The following LAPTM4B variants were observed in gnomAD, a reference collection of about 807,000 sequenced individuals.
LAPTM4B encodes the protein lysosomal-associated transmembrane protein 4B.
LAPTM4B carries 26 observed loss-of-function variants against 28.5 expected under a neutral mutation model. The observed-to-expected ratio is 0.91, with a 90% confidence interval of 0.67 to 1.27. The LOEUF is 1.27. LAPTM4B is among the 50% of genes most tolerant of loss of function. The probability of loss-of-function intolerance (pLI) is 0.00; values close to 1 mark genes in which losing one functional copy is unlikely to be tolerated. For missense variants in LAPTM4B, 288 were observed against 285.8 expected (o/e 1.01, Z -0.06); for synonymous variants, 109 against 106.4 (o/e 1.02, Z -0.15).
At chr8:97,830,580 G>GT (rs1817168817) in intron 6 of LAPTM4B, among the ~76,000 whole-genome samples, 1 of 152,220 alleles carries the variant, frequency 6.6e-6, no homozygotes, top group Non-Finnish European at 1.5e-5. Context: ...AGGAATGCGA[G>GT]TAAGTTGAAG....
At chr8:97,823,058 G>GTC (rs1393338686) in intron 5 of LAPTM4B, among the ~76,000 whole-genome samples, 1 of 151,992 alleles carries the variant, frequency 6.6e-6, no homozygotes, top group Non-Finnish European at 1.5e-5. Context: ...AGCCAGGGTG[G>GTC]TCTCTATCTC....
At chr8:97,782,500 G>A (rs1034460579) in intron 1 of LAPTM4B, among the ~76,000 whole-genome samples, 2 of 151,560 alleles carry the variant, frequency 1.3e-5, no homozygotes, top group Non-Finnish European at 2.9e-5. Flanking sequence ...GTGCAGTGGC[G>A]CAGTCTCAGC....
intron 2 of LAPTM4B, among the ~76,000 whole-genome samples, 176 bp downstream of exon 2, chr8:97,805,640 A>G (rs1424604350): frequency 1.3e-5 from 2 of 151,716 alleles, no homozygotes; most frequent in Admixed American, 6.6e-5. Context: ...AAGAGTCTAA[A>G]TAAGATCTAT....
At chr8:97,828,054 G>A (rs1167300387) in intron 6 of LAPTM4B, among the ~76,000 whole-genome samples, 2 of 152,200 alleles carry the variant, frequency 1.3e-5, no homozygotes, top group Non-Finnish European at 2.9e-5. Context: ...CCTTCTGGAT[G>A]TATACGTGTG....
At chr8:97,782,736 T>C (rs528905069) in intron 1 of LAPTM4B, among the ~76,000 whole-genome samples, 7 of 141,520 alleles carry the variant, frequency 4.9e-5, no homozygotes, top group African/African-American at 1.8e-4. Context: ...GTCCCCAGCC[T>C]TTTTTTTTTT....
rs534600319 is a variant in LAPTM4B, at chr8:97,837,467, A to G, written c.603+12314A>G. 5.3e-5 allele frequency among the ~76,000 whole-genome samples: 8 copies of G among 152,234 alleles called. No homozygotes were observed. The East Asian group carries it at 1.5e-3, about 29-fold the overall frequency. On this transcript the variant is annotated intron_variant, in intron 6 of 6. Transcript: ENST00000521545. ...CTTGGCCACCCGAAGTGCTCCTGCC[A>G]CTTTTAAAAGCAGGTTATTACTTCC...
intron 1 of LAPTM4B, among the ~76,000 whole-genome samples, chr8:97,785,990 T>A (rs1282202953): frequency 6.6e-6 from 1 of 152,230 alleles, no homozygotes; most frequent in Admixed American, 6.5e-5. Context: ...GTAATATATT[T>A]GTTTTGTCAA....
chr8:97,820,304 C>CTTTCTTTT (rs1554591889), intron 5 of LAPTM4B, among the ~76,000 whole-genome samples: 2 of 128,348 alleles, frequency 1.6e-5, no homozygotes, highest in Admixed American at 8.3e-5. Context: ...TTCTTTCTTT[C>CTTTCTTTT]TTTTTTTTTT....
intron 5 of LAPTM4B, among the ~76,000 whole-genome samples, chr8:97,824,103 T>C (rs1817055216): frequency 6.6e-6 from 1 of 152,212 alleles, no homozygotes; most frequent in South Asian, 2.1e-4. Context: ...CTTCTACTTT[T>C]TGGCTATTAT....
chr8:97,785,582 C>T (rs527686869), intron 1 of LAPTM4B, among the ~76,000 whole-genome samples: 2 of 152,274 alleles, frequency 1.3e-5, no homozygotes, highest in South Asian at 4.1e-4. Flanking sequence ...TATAGACTGA[C>T]GTTGCCCTGA....
Position 97,815,408 on chromosome 8 carries a change from C to T in LAPTM4B, c.285+7C>T, listed in dbSNP as rs7818662. On this transcript the variant is annotated splice_region_variant and intron_variant, in intron 3 of 6. Coordinates refer to ENST00000521545, the MANE Select transcript of LAPTM4B (RefSeq NM_018407.6). ...TACTTACGGAGCGTACAAGGTAAGC[C>T]GCTTGCAGTAAGATGCTGGCCTTTT... The T allele has an allele frequency of 6.3e-6, 10 of 1,586,648 alleles. No individual in the cohort carries two copies. The highest frequency in any genetic ancestry group is 2.2e-5 in the East Asian group (1 of 44,832).
intron 1 of LAPTM4B, among the ~76,000 whole-genome samples, chr8:97,788,861 A>AT (rs758537498): frequency 5.8e-4 from 88 of 150,884 alleles, no homozygotes; most frequent in Non-Finnish European, 1.1e-3. Context: ...CGTCCGGCTA[A>AT]TTTTTTGTAT....
chr8:97,848,347 A>G (rs940661342), intron 6 of LAPTM4B, among the ~76,000 whole-genome samples: 6 of 152,340 alleles, frequency 3.9e-5, no homozygotes, highest in Admixed American at 2.0e-4. Flanking sequence ...AAATAGTGAC[A>G]GACCGCCAAA....
intron 6 of LAPTM4B, among the ~76,000 whole-genome samples, chr8:97,850,476 G>GTGTGTGTGTGTGTGTGTGTGTGTGTGTA (rs151009828): frequency 2.6e-4 from 38 of 147,664 alleles, no homozygotes; most frequent in African/African-American, 3.8e-4. Flanking sequence ...GTGTGTGTGT[G>GTGTGTGTGTGTGTGTGTGTGTGTGTGTA]TGTGTGTGTG....
intron 6 of LAPTM4B, among the ~76,000 whole-genome samples, chr8:97,834,033 G>A (rs541035135): frequency 2.0e-5 from 3 of 151,600 alleles, no homozygotes; most frequent in African/African-American, 4.8e-5. Flanking sequence ...TAAATGAACC[G>A]ATGAAAACTC....
At chr8:97,827,601 G>A (rs1817109932) in intron 6 of LAPTM4B, among the ~76,000 whole-genome samples, 1 of 152,188 alleles carries the variant, frequency 6.6e-6, no homozygotes, top group Admixed American at 6.5e-5. Context: ...GTTGGAGTGG[G>A]GAGGGGACAC....
At chr8:97,782,928 T>TTATTTATG (rs896597231) in intron 1 of LAPTM4B, among the ~76,000 whole-genome samples, 6 of 148,910 alleles carry the variant, frequency 4.0e-5, no homozygotes, top group African/African-American at 1.2e-4. Flanking sequence ...ATTTATTTAT[T>TTATTTATG]TATTTATTTA....
intron 1 of LAPTM4B, among the ~76,000 whole-genome samples, chr8:97,799,849 G>A (rs557224773): frequency 1.4e-4 from 22 of 152,076 alleles, no homozygotes; most frequent in Admixed American, 5.9e-4. Context: ...TGACCCTGGC[G>A]TTCCAGCCAC....
At chr8:97,807,025 C>G (rs1421510367) in intron 2 of LAPTM4B, among the ~76,000 whole-genome samples, 2 of 152,142 alleles carry the variant, frequency 1.3e-5, no homozygotes, top group Non-Finnish European at 2.9e-5. Context: ...CTGAGGCCTC[C>G]CCAGCCATGT....
Sources: gnomAD v4.1 joint callset for allele counts (sites outside exome capture counted in the v4.1 genomes callset) on GRCh38, gnomAD v4.1.1 for gene constraint, MANE v1.5 for transcripts, NCBI Gene and HGNC (gene_info 2026-07-23, HGNC 2026-07-21) for gene names.